The following CTNNA2 variants were observed in gnomAD, a reference collection of about 807,000 sequenced individuals.
CTNNA2 encodes the protein catenin alpha 2, also known as catenin alpha-2.
A neutral mutation model predicts 101.0 loss-of-function variants in CTNNA2; 42 were observed. The ratio of observed to expected loss-of-function variants is 0.42; its 90% CI spans 0.32 to 0.54. The LOEUF (loss-of-function observed/expected upper bound fraction) is 0.54. CTNNA2 is among the 20% of genes least tolerant of loss of function. The probability of loss-of-function intolerance (pLI) is 0.14; values close to 1 mark genes in which losing one functional copy is unlikely to be tolerated. For missense variants in CTNNA2, 871 were observed against 1,223.1 expected (o/e 0.71, Z 4.29); for synonymous variants, 450 against 456.4 (o/e 0.99, Z 0.18).
At chr2:79,325,535 G>A (rs1352440282) in intron 3 of CTNNA2, among the ~76,000 whole-genome samples, 5 of 152,210 alleles carry the variant, frequency 3.3e-5, no homozygotes, top group Non-Finnish European at 5.9e-5. Flanking sequence ...AAACAAGATA[G>A]TCACTGTCCC....
In CTNNA2 at chr2:80,523,154, A is replaced by G. The variant is rs146384334; in HGVS notation, c.1291-21828A>G. On this transcript the variant is annotated intron_variant, in intron 9 of 18. Transcript: ENST00000402739. ...TATTGAATAGGTGCCATACCTGTGT[A>G]TTAGAGGAAAACATTTATTTAATGA... Among the ~76,000 whole-genome samples, 128 of 152,312 alleles carry G rather than the reference A, an allele frequency of 8.4e-4. 1 individual carries two copies. Among genetic ancestry groups the G allele is most frequent in the Middle Eastern group, 3.4e-3 (1 of 294 alleles).
intron 1 of CTNNA2, among the ~76,000 whole-genome samples, chr2:79,536,692 T>TTTTCTTTTCC (rs1673093964): frequency 6.7e-6 from 1 of 148,808 alleles, no homozygotes; most frequent in South Asian, 2.2e-4. Flanking sequence ...TTTTTTTTTC[T>TTTTCTTTTCC]TTTCTTTTCT....
At chr2:79,722,918 A>T (rs1488976145) in intron 2 of CTNNA2, among the ~76,000 whole-genome samples, 1 of 152,208 alleles carries the variant, frequency 6.6e-6, no homozygotes, top group African/African-American at 2.4e-5. Flanking sequence ...GTTTTACTTT[A>T]GGATCTTTAG....
intron 7 of CTNNA2, among the ~76,000 whole-genome samples, chr2:80,099,779 A>G (rs958566818): frequency 1.3e-5 from 2 of 151,350 alleles, no homozygotes; most frequent in Non-Finnish European, 1.5e-5. Flanking sequence ...AACATTTATC[A>G]AACTGTGATC....
At chr2:79,310,414 A>C (rs917049917) in intron 2 of CTNNA2, among the ~76,000 whole-genome samples, 1 of 152,208 alleles carries the variant, frequency 6.6e-6, no homozygotes, top group African/African-American at 2.4e-5. Flanking sequence ...GAATTATTTT[A>C]TATGCTTTTC....
intron 15 of CTNNA2, among the ~76,000 whole-genome samples, chr2:80,591,455 C>CTTTTTTTTTTTTTTTTT (rs1553401282): frequency 4.0e-4 from 23 of 57,520 alleles, no homozygotes; most frequent in Admixed American, 7.2e-4. Context: ...TCTGCACAGC[C>CTTTTTTTTTTTTTTTTT]TGTTTTTTTT....
At chr2:80,118,847 G>T (rs1701672548) in intron 7 of CTNNA2, among the ~76,000 whole-genome samples, 1 of 152,226 alleles carries the variant, frequency 6.6e-6, no homozygotes, top group Non-Finnish European at 1.5e-5. Context: ...GCCTATCCAG[G>T]CCTGATGTGA....
At chr2:79,590,731 A>G (rs1676792776) in intron 1 of CTNNA2, among the ~76,000 whole-genome samples, 1 of 152,176 alleles carries the variant, frequency 6.6e-6, no homozygotes. Flanking sequence ...GCAGGTAACT[A>G]GAGCTGCAAT....
intron 9 of CTNNA2, among the ~76,000 whole-genome samples, chr2:80,520,634 C>T (rs1381551982): frequency 6.6e-6 from 1 of 152,078 alleles, no homozygotes; most frequent in Non-Finnish European, 1.5e-5. Flanking sequence ...GTAGTTTCTG[C>T]TTATAAAGGC....
chr2:79,572,298 A>G (rs1044077365), intron 1 of CTNNA2, among the ~76,000 whole-genome samples: 1 of 152,122 alleles, frequency 6.6e-6, no homozygotes, highest in Admixed American at 6.5e-5. Flanking sequence ...TTTTATACTG[A>G]ACTTCTGTAT....
At chr2:79,850,526 A>G (rs1680622774) in intron 3 of CTNNA2, among the ~76,000 whole-genome samples, 2 of 151,934 alleles carry the variant, frequency 1.3e-5, no homozygotes, top group South Asian at 4.1e-4. Context: ...TTCAACTCCT[A>G]ATACAGGTGC....
chr2:79,630,313 C>T (rs755010204), intron 1 of CTNNA2, among the ~76,000 whole-genome samples: 1 of 152,186 alleles, frequency 6.6e-6, no homozygotes. Context: ...ATGGCACTGA[C>T]GTCTTTGTGT....
intron 7 of CTNNA2, among the ~76,000 whole-genome samples, chr2:80,274,887 A>C (rs1673770646): frequency 6.6e-6 from 1 of 152,164 alleles, no homozygotes; most frequent in Non-Finnish European, 1.5e-5. Context: ...TGCCTTGCAC[A>C]TACCTTTGTT....
intron 2 of CTNNA2, among the ~76,000 whole-genome samples, chr2:79,256,752 C>A (rs1367645270): frequency 6.6e-6 from 1 of 152,142 alleles, no homozygotes; most frequent in Non-Finnish European, 1.5e-5. Context: ...AGTCACTGCC[C>A]AGTTCTTCAA....
At chr2:80,617,401 A>G (rs987317815) in intron 17 of CTNNA2, among the ~76,000 whole-genome samples, 1 of 151,702 alleles carries the variant, frequency 6.6e-6, no homozygotes, top group South Asian at 2.1e-4. Flanking sequence ...TCTCACACAC[A>G]AAAAAAGCTG....
chr2:79,546,549 C>A (rs2104019843), intron 1 of CTNNA2, among the ~76,000 whole-genome samples: 1 of 152,232 alleles, frequency 6.6e-6, no homozygotes, highest in East Asian at 1.9e-4. Context: ...TGTAGCTGCT[C>A]TTTTAATTCT....
At chr2:80,599,669 T>C (rs2149763058) in intron 15 of CTNNA2, among the ~76,000 whole-genome samples, 1 of 152,336 alleles carries the variant, frequency 6.6e-6, no homozygotes, top group Middle Eastern at 3.4e-3. Flanking sequence ...GGGTGTTGCA[T>C]CATGCTCAGA....
At chr2:80,215,835 G>C (rs1255121399) in intron 7 of CTNNA2, among the ~76,000 whole-genome samples, 1 of 152,204 alleles carries the variant, frequency 6.6e-6, no homozygotes, top group East Asian at 1.9e-4. Context: ...GCTGCCTTTT[G>C]TTCATCTATG....
chr2:80,564,754 T>C (rs1693903141), intron 12 of CTNNA2, among the ~76,000 whole-genome samples: 1 of 152,210 alleles, frequency 6.6e-6, no homozygotes, highest in Non-Finnish European at 1.5e-5. Flanking sequence ...GAATTGGGAC[T>C]GGCCAAGATG....
Sources: gnomAD v4.1 joint callset for allele counts (sites outside exome capture counted in the v4.1 genomes callset) on GRCh38, gnomAD v4.1.1 for gene constraint, MANE v1.5 for transcripts, NCBI Gene and HGNC (gene_info 2026-07-23, HGNC 2026-07-21) for gene names.